Variants in ATXN7L1 observed in about 807,000 individuals in gnomAD.
ATXN7L1 encodes ataxin 7 like 1, also known as ataxin-7-like protein 1.
In ATXN7L1, 15 loss-of-function variants were observed where a neutral mutation model predicts 70.8. The observed-to-expected ratio is 0.21, with a 90% confidence interval of 0.14 to 0.33. The LOEUF (loss-of-function observed/expected upper bound fraction) is 0.33. ATXN7L1 is among the 10% of genes least tolerant of loss of function. ATXN7L1 has a pLI of 1.00. For missense variants in ATXN7L1, 975 were observed against 1,097.1 expected, an observed-to-expected ratio of 0.89 and a Z score of 1.57; for synonymous variants, 440 against 445.1, an observed-to-expected ratio of 0.99 and a Z score of 0.14.
intron 3 of ATXN7L1, among the ~76,000 whole-genome samples, chr7:105,733,010 C>T (rs1584868117): frequency 6.6e-6 from 1 of 152,194 alleles, no homozygotes; most frequent in East Asian, 1.9e-4. Flanking sequence ...CCTACATCAT[C>T]ACTCCCTTTT....
intron 3 of ATXN7L1, chr7:105,761,530 A>G (rs1031491259): frequency 1.1e-5 from 18 of 1,583,654 alleles, no homozygotes; most frequent in Non-Finnish European, 1.6e-5. Context: ...TGGAAATTAT[A>G]TTTGTAAATG....
chr7:105,824,140 C>G (rs1810527716), intron 2 of ATXN7L1, among the ~76,000 whole-genome samples: 1 of 152,122 alleles, frequency 6.6e-6, no homozygotes, highest in Non-Finnish European at 1.5e-5. Context: ...GATAATTCAT[C>G]TCTGAAAAAA....
intron 3 of ATXN7L1, among the ~76,000 whole-genome samples, chr7:105,696,609 C>T (rs894986461): frequency 2.0e-5 from 3 of 152,208 alleles, no homozygotes; most frequent in African/African-American, 7.2e-5. Context: ...CTTGTAATAT[C>T]ACATTAAAAT....
At chr7:105,813,452 C>T (rs977919099) in intron 2 of ATXN7L1, among the ~76,000 whole-genome samples, 2 of 151,986 alleles carry the variant, frequency 1.3e-5, no homozygotes, top group Non-Finnish European at 2.9e-5. Flanking sequence ...ATTCTCCTGC[C>T]TCAGCCTCCC....
chr7:105,797,803 C>T (rs1395008983), intron 2 of ATXN7L1, among the ~76,000 whole-genome samples: 1 of 152,236 alleles, frequency 6.6e-6, no homozygotes, highest in Non-Finnish European at 1.5e-5. Context: ...GGCAGCTTTC[C>T]TAAGGCTGTT....
chr7:105,804,615 G>A (rs1807295102), intron 2 of ATXN7L1, among the ~76,000 whole-genome samples: 1 of 152,132 alleles, frequency 6.6e-6, no homozygotes, highest in African/African-American at 2.4e-5. Context: ...AGACCCTTAA[G>A]GAGAAGATTT....
intron 2 of ATXN7L1, among the ~76,000 whole-genome samples, chr7:105,843,035 A>T (rs1272715360): frequency 6.6e-6 from 1 of 152,184 alleles, no homozygotes; most frequent in Admixed American, 6.5e-5. Flanking sequence ...AAAGATACGA[A>T]ATCTTCAGCT....
At chr7:105,623,958 T>A in intron 8 of ATXN7L1, 117 bp downstream of exon 8, 1 of 972,758 alleles carries the variant, frequency 1.0e-6, no homozygotes, top group Non-Finnish European at 1.4e-6. Context: ...TAAGCCTTTT[T>A]GTAAAACACT....
chr7:105,876,563 G>A lies in ATXN7L1; in HGVS notation c.-5C>T. On this transcript the variant is annotated 5_prime_UTR_variant, in exon 1 of 12. Transcript: ENST00000419735. ...TCGAGAACGCTCCGACGTCATCTTCGGAACGTTCCGACATTGAGTGTTCTG... is the reference window on the plus strand; with the variant it reads ...TCGAGAACGCTCCGACGTCATCTTCAGAACGTTCCGACATTGAGTGTTCTG... The A allele has an allele frequency of 2.1e-6, 3 of 1,412,094 alleles. No individual in the cohort carries two copies. Among genetic ancestry groups the A allele is most frequent in the Non-Finnish European group, 2.9e-6 (3 of 1,052,266 alleles). The allele number at this position is 1,412,094 out of a possible 1,614,324, so 87.5% of individuals were successfully genotyped here. A position where few individuals can be genotyped will look rare whatever the true frequency, so the allele number is the denominator to read the frequency against.
At chr7:105,664,101 C>T (rs988193362) in intron 4 of ATXN7L1, among the ~76,000 whole-genome samples, 1 of 152,104 alleles carries the variant, frequency 6.6e-6, no homozygotes, top group Non-Finnish European at 1.5e-5. Context: ...GCCCACTCCC[C>T]CAAAGGGGTG....
chr7:105,790,652 ATCAT>A (rs1563095424), intron 2 of ATXN7L1, among the ~76,000 whole-genome samples: 5 of 140,708 alleles, frequency 3.6e-5, no homozygotes, highest in East Asian at 2.1e-4. Flanking sequence ...CTATCTATCT[ATCAT>A]CTATCTACTA....
At chr7:105,807,946 T>C (rs930018525) in intron 2 of ATXN7L1, among the ~76,000 whole-genome samples, 1 of 152,234 alleles carries the variant, frequency 6.6e-6, no homozygotes, top group Non-Finnish European at 1.5e-5. Context: ...AGCTAACTGA[T>C]ACAAGTCCTT....
chr7:105,742,208 C>T (rs79999460), intron 3 of ATXN7L1, among the ~76,000 whole-genome samples: 1,947 of 152,262 alleles, frequency 0.013, 27 homozygotes, highest in Non-Finnish European at 0.018. Context: ...ACTCTTAACC[C>T]GCAGTTGAGA....
intron 3 of ATXN7L1, among the ~76,000 whole-genome samples, chr7:105,727,744 GTGTATATA>G (rs1254279295): frequency 9.5e-5 from 3 of 31,708 alleles, no homozygotes; most frequent in Admixed American, 4.0e-4. Context: ...GTGTGTATGT[GTGTATATA>G]TATATATATA....
rs182923702 is a variant in ATXN7L1 at position 105,627,594 on chromosome 7, C to T, written c.1203-3327G>A. On this transcript the variant is annotated intron_variant, in intron 7 of 11. Transcript: ENST00000419735. ...TTGCCCAGGCTGGAGTGCAGTGGTG[C>T]GACCTCGGCTCACTGCAACCTCCAC... Among the ~76,000 whole-genome samples the T allele has an allele frequency of 6.7e-5, 10 of 149,018 alleles. No individual in the cohort carries two copies. The East Asian group carries it at 2.0e-3, about 29-fold the overall frequency.
At chr7:105,712,486 T>A (rs1442966087) in intron 3 of ATXN7L1, among the ~76,000 whole-genome samples, 1 of 152,220 alleles carries the variant, frequency 6.6e-6, no homozygotes, top group Non-Finnish European at 1.5e-5. Context: ...GTTCAGCACA[T>A]GAGCATATAC....
At chr7:105,799,177 G>A (rs762189337) in intron 2 of ATXN7L1, among the ~76,000 whole-genome samples, 7 of 152,224 alleles carry the variant, frequency 4.6e-5, no homozygotes, top group Non-Finnish European at 8.8e-5. Context: ...TACATGTGCA[G>A]GAATGTGACA....
intron 3 of ATXN7L1, among the ~76,000 whole-genome samples, chr7:105,757,983 C>A (rs1210726951): frequency 6.6e-6 from 1 of 152,190 alleles, no homozygotes; most frequent in Admixed American, 6.5e-5. Flanking sequence ...GTCTTCCCAG[C>A]TGGCTGGTGC....
intron 3 of ATXN7L1, among the ~76,000 whole-genome samples, chr7:105,773,794 C>A (rs866525511): frequency 4.6e-5 from 7 of 152,096 alleles, no homozygotes; most frequent in African/African-American, 1.7e-4. Context: ...AAGGATGGAA[C>A]GCAGGATCGT....
Sources: allele counts gnomAD v4.1 joint callset (sites outside exome capture counted in the v4.1 genomes callset), GRCh38; gene constraint gnomAD v4.1.1; transcripts MANE v1.5; gene names NCBI Gene and HGNC (gene_info 2026-07-23, HGNC 2026-07-21).